The following SYNDIG1L variants were observed in gnomAD, a reference collection of about 807,000 sequenced individuals.
The protein encoded by SYNDIG1L is synapse differentiation inducing 1 like.
SYNDIG1L carries 13 observed loss-of-function variants against 20.1 expected under a neutral mutation model. The observed-to-expected ratio is 0.65, with a 90% CI of 0.42 to 1.03. The LOEUF is 1.03. SYNDIG1L is among the 50% of genes least tolerant of loss of function. The pLI is 0.00. For missense variants in SYNDIG1L, 294 were observed against 305.1 expected (o/e 0.96, Z 0.27); for synonymous variants, 128 against 129.3 (o/e 0.99, Z 0.07).
the SYNDIG1L span, among the ~76,000 whole-genome samples, chr14:74,440,797 G>GT: frequency 6.6e-6 from 1 of 152,266 alleles, no homozygotes; most frequent in South Asian, 2.1e-4. Context: ...GCAAACAGCA[G>GT]TGAAAGGGAT....
At chr14:74,446,704 C>T in the SYNDIG1L span, among the ~76,000 whole-genome samples, 1 of 151,464 alleles carries the variant, frequency 6.6e-6, no homozygotes. Flanking sequence ...GCAACCTCTG[C>T]CTTCCCAGCT....
rs541052055 is a variant in SYNDIG1L, at chr14:74,421,727, G to A, written c.-58+4185C>T. 3.9e-5 allele frequency among the ~76,000 whole-genome samples: 6 copies of A among 152,298 alleles called. No individual in the cohort carries two copies. In the South Asian group the frequency reaches 8.3e-4, roughly 21 times the overall value. On this transcript the variant is annotated intron_variant, in intron 1 of 3. Transcript: ENST00000331628. ...AGGGCGGGAAAGAGATTTGAGAATC[G>A]TCGAAGGACCTTTGGAGAGAGAGAA...
In SYNDIG1L at chr14:74,421,452, G is replaced by A. The variant is rs188325625; in HGVS notation, c.-58+4460C>T. Among the ~76,000 whole-genome samples, 493 of 152,208 alleles carry A rather than the reference G, an allele frequency of 3.2e-3. 1 individual carries two copies. The highest frequency in any genetic ancestry group is 5.4e-3 in the Non-Finnish European group (369 of 68,014). ...AATAGGAGTTTCAGAAAGACACAAC[G>A]GAAAGACTAGAGGAGAAAAATAACA... On this transcript the variant is annotated intron_variant, in intron 1 of 3. Transcript: ENST00000331628.
At chr14:74,417,770 G>A (rs140854271) in intron 1 of SYNDIG1L, among the ~76,000 whole-genome samples, 147 of 152,292 alleles carry the variant, frequency 9.7e-4, no homozygotes, top group Middle Eastern at 3.4e-3. Context: ...TGTGGTAGGC[G>A]TGAGAGTGGT....
chr14:74,436,384 A>T, the SYNDIG1L span, among the ~76,000 whole-genome samples: 1 of 151,986 alleles, frequency 6.6e-6, no homozygotes, highest in Admixed American at 6.6e-5. Context: ...ATGTGCCACC[A>T]TACCTGGCTA....
chr14:74,451,585 G>C, the SYNDIG1L span, among the ~76,000 whole-genome samples: 3 of 152,182 alleles, frequency 2.0e-5, no homozygotes, highest in African/African-American at 7.2e-5. Context: ...TGCATCAAAA[G>C]TAAACCTTCT....
the SYNDIG1L span, among the ~76,000 whole-genome samples, chr14:74,431,984 A>G: frequency 6.6e-6 from 1 of 152,044 alleles, no homozygotes; most frequent in African/African-American, 2.4e-5. Context: ...TGAGGGAGGG[A>G]GGAGCACTGG....
chr14:74,458,704 T>A, the SYNDIG1L span, among the ~76,000 whole-genome samples: 1 of 149,776 alleles, frequency 6.7e-6, no homozygotes, highest in Non-Finnish European at 1.5e-5. Flanking sequence ...ACCCAGAAAA[T>A]TTTTTTTGTA....
chr14:74,408,563 C>CA (rs758108537), intron 2 of SYNDIG1L, among the ~76,000 whole-genome samples: 2,788 of 65,754 alleles, frequency 0.042, 29 homozygotes, highest in Middle Eastern at 0.11. Context: ...GACTCCATCT[C>CA]AAAAAAAAAA....
chr14:74,445,757 A>G, the SYNDIG1L span, among the ~76,000 whole-genome samples: 4 of 152,196 alleles, frequency 2.6e-5, no homozygotes. Flanking sequence ...GATTACAGGC[A>G]TGAGCCACTG....
chr14:74,414,507 G>A (rs2086158988), intron 1 of SYNDIG1L, among the ~76,000 whole-genome samples: 1 of 152,152 alleles, frequency 6.6e-6, no homozygotes, highest in Admixed American at 6.5e-5. Context: ...TCCAGACCAG[G>A]GGCAGGAAAC....
At chr14:74,471,153 C>T in the SYNDIG1L span, among the ~76,000 whole-genome samples, 1 of 152,172 alleles carries the variant, frequency 6.6e-6, no homozygotes, top group Non-Finnish European at 1.5e-5. Flanking sequence ...CTCTTGGTAA[C>T]CTCCCCATCA....
At chr14:74,430,097 A>G (rs1416740539), upstream of SYNDIG1L, among the ~76,000 whole-genome samples, 1 of 152,052 alleles carries the variant, frequency 6.6e-6, no homozygotes, top group Non-Finnish European at 1.5e-5. Flanking sequence ...CCAGGCACAC[A>G]CTCACTCAAG....
At chr14:74,448,712 A>C in the SYNDIG1L span, among the ~76,000 whole-genome samples, 3 of 152,218 alleles carry the variant, frequency 2.0e-5, no homozygotes, top group Non-Finnish European at 4.4e-5. Flanking sequence ...TATTATTATG[A>C]AATGGAATAT....
intron 1 of SYNDIG1L, among the ~76,000 whole-genome samples, chr14:74,416,512 T>C (rs1194340733): frequency 6.6e-6 from 1 of 152,124 alleles, no homozygotes; most frequent in Non-Finnish European, 1.5e-5. Context: ...TGCACACCTG[T>C]AGTCTCAGCT....
chr14:74,450,543 C>T, the SYNDIG1L span, among the ~76,000 whole-genome samples: 8 of 152,078 alleles, frequency 5.3e-5, no homozygotes, highest in Non-Finnish European at 1.0e-4. Context: ...AAAATTCAAT[C>T]AGTGTAATTC....
At chr14:74,435,082 C>CAA in the SYNDIG1L span, among the ~76,000 whole-genome samples, 87 of 54,958 alleles carry the variant, frequency 1.6e-3, 2 homozygotes, top group Admixed American at 3.2e-3. Flanking sequence ...GACTCCGTCT[C>CAA]AAAAAAAAAA....
chr14:74,445,020 G>A, the SYNDIG1L span, among the ~76,000 whole-genome samples: 1 of 152,162 alleles, frequency 6.6e-6, no homozygotes, highest in Non-Finnish European at 1.5e-5. Flanking sequence ...AGTGTTGGAG[G>A]TGGGGCCTAG....
the SYNDIG1L span, among the ~76,000 whole-genome samples, chr14:74,441,765 G>A: frequency 5.3e-5 from 8 of 151,964 alleles, no homozygotes; most frequent in South Asian, 2.1e-4. Context: ...CTCCCATCTC[G>A]GCCTCCCAAA....
Sources: allele counts gnomAD v4.1 joint callset (sites outside exome capture counted in the v4.1 genomes callset), GRCh38; gene constraint gnomAD v4.1.1; transcripts MANE v1.5; gene names NCBI Gene and HGNC (gene_info 2026-07-23, HGNC 2026-07-21).